Variants in ZFAND3 observed in about 807,000 individuals in gnomAD.
ZFAND3 encodes the protein zinc finger AN1-type containing 3.
In ZFAND3, 10 loss-of-function variants were observed where a neutral mutation model predicts 29.6. The observed-to-expected ratio is 0.34, with a 90% CI of 0.21 to 0.57. The LOEUF is 0.57. Among genes scored for constraint, ZFAND3 ranks in the 20% least tolerant of loss-of-function variants. The pLI is 0.86. For synonymous variants in ZFAND3, 128 were observed against 112.6 expected, an observed-to-expected ratio of 1.14 and a Z score of -0.87; for missense variants, 230 against 304.5, an observed-to-expected ratio of 0.76 and a Z score of 1.82.
rs1288378358 is a variant in ZFAND3 at position 38,101,244 on chromosome 6, C to CT, written c.362-15321dup. On this transcript the variant is annotated intron_variant, in intron 4 of 5. Transcript: ENST00000287218. Reference sequence around the variant, plus strand: ...CAGCTCATTTTGCAAATGGAGTTCTCTTTTTTTATATATAAACCATTTTCT... The same window carrying CT: ...CAGCTCATTTTGCAAATGGAGTTCTCTTTTTTTTATATATAAACCATTTTCT... 5.9e-5 allele frequency among the ~76,000 whole-genome samples: 9 copies of CT among 152,222 alleles called. No homozygotes were observed. In the East Asian group the frequency reaches 1.7e-3, roughly 29 times the overall value.
chr6:38,145,661 G>A (rs1331668402), intron 5 of ZFAND3, among the ~76,000 whole-genome samples: 1 of 152,166 alleles, frequency 6.6e-6, no homozygotes, highest in Non-Finnish European at 1.5e-5. Context: ...GATCTTTATG[G>A]GTCTTGGAAA....
At chr6:37,932,171 A>AG (rs764580557) in intron 2 of ZFAND3, among the ~76,000 whole-genome samples, 16 of 152,006 alleles carry the variant, frequency 1.1e-4, no homozygotes, top group Non-Finnish European at 2.4e-4. Context: ...CGGGAGGCTG[A>AG]GGCGGGAGAA....
At chr6:37,996,587 A>G (rs1378892882) in intron 2 of ZFAND3, among the ~76,000 whole-genome samples, 1 of 152,052 alleles carries the variant, frequency 6.6e-6, no homozygotes, top group African/African-American at 2.4e-5. Flanking sequence ...TTTTCTGTTG[A>G]GTATGGTTTG....
At chr6:37,970,722 T>G (rs1762372109) in intron 2 of ZFAND3, among the ~76,000 whole-genome samples, 1 of 147,218 alleles carries the variant, frequency 6.8e-6, no homozygotes, top group African/African-American at 2.5e-5. Context: ...GCTAACATGG[T>G]GAAACCCCGT....
chr6:37,851,837 T>C (rs1207884971), intron 1 of ZFAND3, among the ~76,000 whole-genome samples: 1 of 152,222 alleles, frequency 6.6e-6, no homozygotes, highest in East Asian at 1.9e-4. Flanking sequence ...CCAGCTATTA[T>C]AGTGTAAGTT....
intron 1 of ZFAND3, among the ~76,000 whole-genome samples, chr6:37,853,716 A>G (rs1197107332): frequency 1.3e-5 from 2 of 152,184 alleles, no homozygotes; most frequent in Admixed American, 1.3e-4. Flanking sequence ...CTCATGAGCA[A>G]TGTAATAGGT....
chr6:38,139,993 G>C (rs1765917392), intron 5 of ZFAND3, among the ~76,000 whole-genome samples: 1 of 152,228 alleles, frequency 6.6e-6, no homozygotes, highest in South Asian at 2.1e-4. Context: ...CTCGGTAATT[G>C]AATGTGAAGA....
At chr6:37,848,913 C>T (rs1308435237) in intron 1 of ZFAND3, among the ~76,000 whole-genome samples, 2 of 151,874 alleles carry the variant, frequency 1.3e-5, no homozygotes, top group African/African-American at 2.4e-5. Context: ...CTCCTTTAAA[C>T]TTCTATTTTG....
At chr6:37,838,022 A>G (rs1764001580) in intron 1 of ZFAND3, among the ~76,000 whole-genome samples, 1 of 152,206 alleles carries the variant, frequency 6.6e-6, no homozygotes, top group South Asian at 2.1e-4. Flanking sequence ...TTTAAAACAT[A>G]GGGACTGACA....
intron 2 of ZFAND3, among the ~76,000 whole-genome samples, chr6:38,037,814 G>C (rs183849472): frequency 3.6e-4 from 55 of 152,286 alleles, no homozygotes; most frequent in African/African-American, 1.2e-3. Flanking sequence ...GTGGATGCCT[G>C]TTCACCAAGT....
intron 1 of ZFAND3, among the ~76,000 whole-genome samples, chr6:37,908,093 TGA>T (rs1374630290): frequency 6.6e-6 from 1 of 152,218 alleles, no homozygotes; most frequent in Non-Finnish European, 1.5e-5. Flanking sequence ...GCAGTTGGTT[TGA>T]TATTTCTCTT....
intron 4 of ZFAND3, among the ~76,000 whole-genome samples, chr6:38,106,100 T>C (rs73421819): frequency 0.068 from 10,378 of 152,138 alleles, 419 homozygotes; most frequent in Non-Finnish European, 0.087. Context: ...TAGTGGATGG[T>C]TTTTGGTAAA....
chr6:38,056,547 A>G (rs1472740401), intron 2 of ZFAND3, among the ~76,000 whole-genome samples: 1 of 152,214 alleles, frequency 6.6e-6, no homozygotes, highest in Non-Finnish European at 1.5e-5. Flanking sequence ...GTGGCTAGAT[A>G]GGGTGTAGTT....
intron 5 of ZFAND3, among the ~76,000 whole-genome samples, chr6:38,128,568 G>A (rs1765681340): frequency 6.6e-6 from 1 of 152,166 alleles, no homozygotes; most frequent in East Asian, 1.9e-4. Flanking sequence ...CCTCTTAGGA[G>A]TGAGAACATA....
intron 2 of ZFAND3, among the ~76,000 whole-genome samples, chr6:37,960,380 A>C (rs1004086890): frequency 6.6e-6 from 1 of 152,220 alleles, no homozygotes; most frequent in African/African-American, 2.4e-5. Flanking sequence ...TAGTGTGACA[A>C]ACATTTCAAG....
intron 2 of ZFAND3, among the ~76,000 whole-genome samples, chr6:37,955,260 A>G (rs1762068211): frequency 6.6e-6 from 1 of 152,162 alleles, no homozygotes; most frequent in Admixed American, 6.5e-5. Flanking sequence ...ACAGGAAGAT[A>G]AACTTAGTCT....
intron 4 of ZFAND3, among the ~76,000 whole-genome samples, chr6:38,083,622 A>G (rs569863781): frequency 1.3e-5 from 2 of 152,266 alleles, no homozygotes; most frequent in Non-Finnish European, 2.9e-5. Flanking sequence ...TCAAATGCAC[A>G]GTACTTTAGT....
At chr6:38,059,670 G>A (rs544852400) in intron 2 of ZFAND3, among the ~76,000 whole-genome samples, 34 of 152,278 alleles carry the variant, frequency 2.2e-4, no homozygotes, top group African/African-American at 6.7e-4. Context: ...CTGAGGCCAG[G>A]AGTTGGAGAC....
In ZFAND3 at chr6:37,988,192, G is replaced by A. The variant is rs533758933; in HGVS notation, c.112+58193G>A. Among the ~76,000 whole-genome samples, 26 of 152,318 alleles carry A rather than the reference G, an allele frequency of 1.7e-4. 1 individual carries two copies. The South Asian group carries it at 5.0e-3, about 29-fold the overall frequency. ...ACGTTATCTTTGCCTTTACACAGCT[G>A]CATTATTATTACCCCATTGGCCTGT... On this transcript the variant is annotated intron_variant, in intron 2 of 5. Coordinates refer to ENST00000287218, the MANE Select transcript of ZFAND3 (RefSeq NM_021943.3).
Sources: gnomAD v4.1 joint callset for allele counts (sites outside exome capture counted in the v4.1 genomes callset) on GRCh38, gnomAD v4.1.1 for gene constraint, MANE v1.5 for transcripts, NCBI Gene and HGNC (gene_info 2026-07-23, HGNC 2026-07-21) for gene names.